RANBP2: variants seen among roughly 807,000 people sequenced by gnomAD.
RANBP2 encodes RAN binding protein 2, also known as E3 SUMO-protein ligase RanBP2.
RANBP2 carries 57 observed loss-of-function variants against 303.6 expected under a neutral mutation model. The ratio of observed to expected loss-of-function variants is 0.19; its 90% confidence interval spans 0.15 to 0.23. The LOEUF (loss-of-function observed/expected upper bound fraction) is 0.23. RANBP2 is among the 10% of genes least tolerant of loss of function. The pLI, the probability that RANBP2 is intolerant of heterozygous loss-of-function variation, is 1.00. For synonymous variants in RANBP2, 1,167 were observed against 1,301.5 expected (o/e 0.90, Z 2.23); for missense variants, 3,138 against 3,780.8 (o/e 0.83, Z 4.46).
the RANBP2 span, among the ~76,000 whole-genome samples, chr2:108,964,111 C>T: frequency 1.3e-5 from 2 of 152,176 alleles, no homozygotes; most frequent in African/African-American, 2.4e-5. Context: ...TAAACAGACA[C>T]GTATGGCTGT....
chr2:109,274,885 T>C, the RANBP2 span, among the ~76,000 whole-genome samples: 3 of 149,658 alleles, frequency 2.0e-5, no homozygotes, highest in Non-Finnish European at 2.9e-5. Flanking sequence ...ATAAAAATGT[T>C]CTAGATAGAG....
At chr2:109,615,074 T>C in the RANBP2 span, 1 of 1,549,448 alleles carries the variant, frequency 6.5e-7, no homozygotes, top group Non-Finnish European at 8.7e-7. Flanking sequence ...TTGTGGGGGC[T>C]ACCGCACAGA....
the RANBP2 span, among the ~76,000 whole-genome samples, chr2:109,635,471 C>T: frequency 6.6e-6 from 1 of 152,234 alleles, no homozygotes. Flanking sequence ...ATGTGAGCCA[C>T]TGCGCCCAGC....
At chr2:109,233,166 G>C in the RANBP2 span, among the ~76,000 whole-genome samples, 1 of 152,346 alleles carries the variant, frequency 6.6e-6, no homozygotes. Flanking sequence ...AACCAGCTCA[G>C]TGGACAGTCA....
the RANBP2 span, among the ~76,000 whole-genome samples, chr2:108,933,015 G>A: frequency 3.9e-5 from 6 of 152,158 alleles, no homozygotes; most frequent in Admixed American, 2.0e-4. Flanking sequence ...TCCTGGCAGG[G>A]CCTTAAGATG....
chr2:108,903,165 T>C, the RANBP2 span, among the ~76,000 whole-genome samples: 12 of 152,246 alleles, frequency 7.9e-5, no homozygotes, highest in African/African-American at 2.6e-4. Context: ...ATAAATGATA[T>C]GGTGTAAATC....
chr2:109,666,043 G>A, the RANBP2 span, among the ~76,000 whole-genome samples: 2 of 151,662 alleles, frequency 1.3e-5, no homozygotes, highest in Non-Finnish European at 2.9e-5. Flanking sequence ...CCTGGGAAGC[G>A]GAGGTTGCAG....
At chr2:109,646,630 T>C in the RANBP2 span, among the ~76,000 whole-genome samples, 1 of 151,960 alleles carries the variant, frequency 6.6e-6, no homozygotes, top group Non-Finnish European at 1.5e-5. Flanking sequence ...TAGCTGGGAT[T>C]ACAGGCGACT....
chr2:109,142,962 C>T, the RANBP2 span, among the ~76,000 whole-genome samples: 109 of 152,088 alleles, frequency 7.2e-4, 2 homozygotes, highest in African/African-American at 1.7e-3. Flanking sequence ...AGTGGAGTGC[C>T]GGGGGCTTGG....
At chr2:108,773,944 G>A (rs1022248466) in intron 23 of RANBP2, among the ~76,000 whole-genome samples, 7 of 152,152 alleles carry the variant, frequency 4.6e-5, no homozygotes, top group African/African-American at 1.7e-4. Context: ...ACCGCGCCTG[G>A]CCAGGAATTC....
chr2:109,542,160 A>C, the RANBP2 span, among the ~76,000 whole-genome samples: 1 of 152,234 alleles, frequency 6.6e-6, no homozygotes, highest in African/African-American at 2.4e-5. Flanking sequence ...TCAGTGGATA[A>C]TTCATTTTCT....
At chr2:109,050,261 C>T in the RANBP2 span, among the ~76,000 whole-genome samples, 1 of 147,292 alleles carries the variant, frequency 6.8e-6, no homozygotes, top group African/African-American at 2.5e-5. Context: ...TTTCTTTTTA[C>T]TTTTTTTTTT....
chr2:109,150,419 C>T, the RANBP2 span, among the ~76,000 whole-genome samples: 1 of 152,076 alleles, frequency 6.6e-6, no homozygotes, highest in East Asian at 1.9e-4. Flanking sequence ...TATTTATGAG[C>T]CTGGAACTAC....
the RANBP2 span, among the ~76,000 whole-genome samples, chr2:108,858,020 C>T: frequency 6.6e-6 from 1 of 152,166 alleles, no homozygotes; most frequent in Admixed American, 6.5e-5. Context: ...AGTCAACAGT[C>T]AGTCACATTT....
At chr2:109,108,453 T>TA in the RANBP2 span, among the ~76,000 whole-genome samples, 1 of 152,314 alleles carries the variant, frequency 6.6e-6, no homozygotes, top group Admixed American at 6.5e-5. Context: ...CAGGGCTCTA[T>TA]TGGAGAAGCA....
At chr2:109,547,552 G>A in the RANBP2 span, among the ~76,000 whole-genome samples, 1 of 152,024 alleles carries the variant, frequency 6.6e-6, no homozygotes, top group East Asian at 1.9e-4. Flanking sequence ...CCTTGGGGCT[G>A]AAAATCATCT....
the RANBP2 span, among the ~76,000 whole-genome samples, chr2:108,891,397 G>A: frequency 6.6e-6 from 1 of 152,200 alleles, no homozygotes; most frequent in African/African-American, 2.4e-5. Flanking sequence ...CTGGATGCAC[G>A]TAGTAATGTA....
chr2:108,846,642 A>G, the RANBP2 span: 13 of 1,077,132 alleles, frequency 1.2e-5, no homozygotes, highest in South Asian at 1.5e-4. Flanking sequence ...GCGCTACTGC[A>G]TTCCAACCTG....
the RANBP2 span, among the ~76,000 whole-genome samples, chr2:108,984,793 C>T: frequency 6.6e-6 from 1 of 152,128 alleles, no homozygotes; most frequent in Non-Finnish European, 1.5e-5. Flanking sequence ...ACCCATGGGA[C>T]CACTGTGTTA....
Sources: allele counts gnomAD v4.1 joint callset (sites outside exome capture counted in the v4.1 genomes callset), GRCh38; gene constraint gnomAD v4.1.1; transcripts MANE v1.5; gene names NCBI Gene and HGNC (gene_info 2026-07-23, HGNC 2026-07-21).